The following ZDHHC23 variants were observed in gnomAD, a reference collection of about 807,000 sequenced individuals.
The protein encoded by ZDHHC23 is zDHHC palmitoyltransferase 23, also known as palmitoyltransferase ZDHHC23.
ZDHHC23 carries 41 observed loss-of-function variants against 40.2 expected under a neutral mutation model. The ratio of observed to expected loss-of-function variants is 1.02; its 90% CI spans 0.79 to 1.32. The LOEUF is 1.32. ZDHHC23 is among the 40% of genes most tolerant of loss of function. The probability of loss-of-function intolerance (pLI) is 0.00; values close to 1 mark genes in which losing one functional copy is unlikely to be tolerated. For missense variants in ZDHHC23, 471 were observed against 541.5 expected (o/e 0.87, Z 1.29); for synonymous variants, 204 against 210.2 (o/e 0.97, Z 0.26).
chr3:113,972,177 T>TG, the ZDHHC23 span, among the ~76,000 whole-genome samples: 73 of 152,244 alleles, frequency 4.8e-4, 1 homozygote, highest in African/African-American at 1.4e-3. Flanking sequence ...ACTTATTTTT[T>TG]GAAGTCTGTC....
chr3:113,960,592 T>G lies in ZDHHC23; in HGVS notation c.*1962T>G. On this transcript the variant is annotated 3_prime_UTR_variant, in exon 5 of 5. Transcript: ENST00000638807. ...GAAACATTAGTCAGTAATTTTAGCT[T>G]CTTGCCAAATTGTTCACAACATCTA... 6.5e-7 allele frequency: 1 copy of G among 1,542,294 alleles called. No individual in the cohort carries two copies. The highest frequency in any genetic ancestry group is 8.7e-7 in the Non-Finnish European group (1 of 1,152,050).
At chr3:113,970,077 G>C (rs182963693), downstream of ZDHHC23, among the ~76,000 whole-genome samples, 2 of 152,224 alleles carry the variant, frequency 1.3e-5, no homozygotes, top group East Asian at 3.9e-4. Flanking sequence ...CTTGGTTAAA[G>C]TGGTTCCCAG....
chr3:113,969,105 A>G (rs921397207), downstream of ZDHHC23, among the ~76,000 whole-genome samples: 7 of 152,186 alleles, frequency 4.6e-5, no homozygotes, highest in Non-Finnish European at 1.0e-4. Context: ...TCCGTAACTA[A>G]TAGAGTGAGA....
chr3:113,969,201 TC>T (rs1055371261), downstream of ZDHHC23, among the ~76,000 whole-genome samples: 8 of 152,194 alleles, frequency 5.3e-5, no homozygotes, highest in African/African-American at 1.9e-4. Flanking sequence ...AGACTCCACT[TC>T]CGTCCAACAT....
intron 2 of ZDHHC23, among the ~76,000 whole-genome samples, chr3:113,951,067 C>T (rs1441559818): frequency 6.6e-6 from 1 of 152,208 alleles, no homozygotes; most frequent in Admixed American, 6.5e-5. Context: ...AGCTTTGTTG[C>T]GCACAGCCCA....
intron 4 of ZDHHC23, 119 bp from the exon 5 acceptor site, chr3:113,958,244 T>C (rs1939421012): frequency 2.3e-6 from 2 of 855,656 alleles, no homozygotes; most frequent in East Asian, 4.9e-5. Flanking sequence ...GTTCGGAGGG[T>C]TGGGGAAGAT....
chr3:113,978,684 T>C, the ZDHHC23 span: 1 of 713,320 alleles, frequency 1.4e-6, no homozygotes, highest in East Asian at 2.6e-5. Context: ...GATTTTACAC[T>C]AATAAAACAC....
chr3:113,956,455 G>C lies in ZDHHC23; in HGVS notation c.989G>C (p.Arg330Thr). 5 of 1,614,204 alleles carry C rather than the reference G, an allele frequency of 3.1e-6. No individual in the cohort carries two copies. In the Admixed American group the frequency reaches 6.7e-5, roughly 22 times the overall value. ...TLTLDTICRD[R>T]SVFTALFYCP... ...ACCTTGGACACCATTTGTAGAGACA[G>C]AAGTGTCTTCACAGCTCTTTTCTAT... Residue 330 changes from arginine (R) to threonine (T), a missense_variant, in exon 4 of 5, where the codon AGA (arginine) becomes ACA (threonine). Transcript: ENST00000638807.
In ZDHHC23 at chr3:113,958,771, A is replaced by G; in HGVS notation, c.*141A>G. 6.4e-7 allele frequency: 1 copy of G among 1,555,738 alleles called. No individual in the cohort carries two copies. The highest frequency in any genetic ancestry group is 8.7e-7 in the Non-Finnish European group (1 of 1,153,626). On this transcript the variant is annotated 3_prime_UTR_variant, in exon 5 of 5. Coordinates refer to ENST00000638807, the MANE Select transcript of ZDHHC23 (RefSeq NM_001320466.2). Reference sequence around the variant, plus strand: ...CTCAGGTTTAGAGACTGGAGTGGGAAGAAGTTAATTTTTCTGACGCCACAA... The same window carrying G: ...CTCAGGTTTAGAGACTGGAGTGGGAGGAAGTTAATTTTTCTGACGCCACAA...
downstream of ZDHHC23, among the ~76,000 whole-genome samples, chr3:113,969,382 G>C (rs1328539111): frequency 8.5e-5 from 13 of 152,160 alleles, no homozygotes; most frequent in Admixed American, 5.2e-4. Context: ...TTTTGCTTTG[G>C]TTGTCTGTGC....
At chr3:113,969,748 T>C (rs187038982), downstream of ZDHHC23, among the ~76,000 whole-genome samples, 1,030 of 152,354 alleles carry the variant, frequency 6.8e-3, 10 homozygotes, top group Non-Finnish European at 0.011. Flanking sequence ...TTGGTTACTA[T>C]AGCTTTGTAG....
At position 113,960,439 on chromosome 3, in the gene ZDHHC23, GT is replaced by G; in HGVS notation, c.*1813del. On this transcript the variant is annotated 3_prime_UTR_variant, in exon 5 of 5. Coordinates refer to ENST00000638807, the MANE Select transcript of ZDHHC23 (RefSeq NM_001320466.2). ...ATATAACAAATTTCTTTCTATACAG[GT>G]TTTACATAAGAGAGACAGTAATAAT... 1 of 1,334,842 alleles carries G rather than the reference GT, an allele frequency of 7.5e-7. No individual in the cohort carries two copies. The highest frequency in any genetic ancestry group is 9.5e-7 in the Non-Finnish European group (1 of 1,048,236). 82.7% of individuals were successfully genotyped at this position (1,334,842 alleles called of 1,614,324 possible).
rs1048471525 is a variant in ZDHHC23, at chr3:113,954,078, G to A, written c.540G>A (p.Leu180=). The change falls in exon 3 of 5, where the codon CTG becomes CTA. Residue 180 remains leucine (L), a synonymous_variant. Transcript: ENST00000638807. ...QLAVLTCGLF[L]ILLALHRAKK... is the part of the protein sequence containing the mutation. ...CGGTTCTTACCTGCGGGTTATTTCT[G>A]ATACTCTTAGCCTTGCACAGAGCCA... The A allele has an allele frequency of 2.1e-5, 34 of 1,614,038 alleles. No homozygotes were observed. The highest frequency in any genetic ancestry group is 2.7e-5 in the Non-Finnish European group (32 of 1,180,048).
At chr3:113,970,288 C>T (rs2107564322), downstream of ZDHHC23, among the ~76,000 whole-genome samples, 1 of 152,178 alleles carries the variant, frequency 6.6e-6, no homozygotes, top group East Asian at 1.9e-4. Context: ...AAGAGCATGT[C>T]ATCCGTAAAC....
At position 113,960,898 on chromosome 3, in the gene ZDHHC23, C is replaced by A; in HGVS notation, c.*2268C>A. ...GTGATCTTGTGTGGGAAAAGCCTTCCCAGGCGTCTGTACCGAAAGGAGCAG... is the reference window on the plus strand; with the variant it reads ...GTGATCTTGTGTGGGAAAAGCCTTCACAGGCGTCTGTACCGAAAGGAGCAG... On this transcript the variant is annotated 3_prime_UTR_variant, in exon 5 of 5. Coordinates refer to ENST00000638807, the MANE Select transcript of ZDHHC23 (RefSeq NM_001320466.2). 9.0e-7 allele frequency: 1 copy of A among 1,111,538 alleles called. No individual in the cohort carries two copies. Among genetic ancestry groups the A allele is most frequent in the Non-Finnish European group, 1.2e-6 (1 of 821,014 alleles). The allele number at this position is 1,111,538 out of a possible 1,614,324, so 68.9% of individuals were successfully genotyped here. A position where few individuals can be genotyped will look rare whatever the true frequency, so the allele number is the denominator to read the frequency against.
chr3:113,960,549 T>G lies in ZDHHC23; in HGVS notation c.*1919T>G. On this transcript the variant is annotated 3_prime_UTR_variant, in exon 5 of 5. Transcript: ENST00000638807. ...GAGCCAACTCTGATTATCTAGCCAT[T>G]GATCATACAAATTGATAGAAACATT... The G allele has an allele frequency of 6.9e-7, 1 of 1,444,996 alleles. No homozygotes were observed. The highest frequency in any genetic ancestry group is 1.5e-5 in the South Asian group (1 of 66,996). The allele number at this position is 1,444,996 out of a possible 1,614,324, so 89.5% of individuals were successfully genotyped here. A position where few individuals can be genotyped will look rare whatever the true frequency, so the allele number is the denominator to read the frequency against.
the ZDHHC23 span, among the ~76,000 whole-genome samples, chr3:113,975,521 T>A: frequency 6.6e-6 from 1 of 152,216 alleles, no homozygotes; most frequent in African/African-American, 2.4e-5. Flanking sequence ...GTGTTACCTA[T>A]GTACTGAGCG....
chr3:113,951,375 C>T (rs929771097), intron 2 of ZDHHC23, among the ~76,000 whole-genome samples: 21 of 152,210 alleles, frequency 1.4e-4, no homozygotes, highest in Non-Finnish European at 2.4e-4. Context: ...GCCTCTACAG[C>T]TCCTACACTC....
the ZDHHC23 span, among the ~76,000 whole-genome samples, chr3:113,972,794 T>A: frequency 6.6e-6 from 1 of 152,304 alleles, no homozygotes; most frequent in Middle Eastern, 3.4e-3. Flanking sequence ...ATTGACCTCT[T>A]TATCATTATA....
Sources: gnomAD v4.1 joint callset for allele counts (sites outside exome capture counted in the v4.1 genomes callset) on GRCh38, gnomAD v4.1.1 for gene constraint, MANE v1.5 for transcripts, NCBI Gene and HGNC (gene_info 2026-07-23, HGNC 2026-07-21) for gene names.